The following MRLN variants were observed in gnomAD, a reference collection of about 807,000 sequenced individuals.
MRLN encodes myoregulin.
intron 1 of MRLN, among the ~76,000 whole-genome samples, chr10:59,742,571 G>A (rs899490823): frequency 6.6e-6 from 1 of 152,186 alleles, no homozygotes; most frequent in Admixed American, 6.5e-5. Flanking sequence ...TTCATCTCTT[G>A]TCCTGGGTGG....
intron 1 of MRLN, among the ~76,000 whole-genome samples, chr10:59,751,745 G>C (rs2132597314): frequency 6.7e-6 from 1 of 149,350 alleles, no homozygotes; most frequent in Middle Eastern, 3.5e-3. Context: ...GACTTTTATA[G>C]ACCCCGTTTT....
At chr10:59,750,062 CTTTTTTTTTTTTTTTT>C (rs71006289) in intron 1 of MRLN, among the ~76,000 whole-genome samples, 2 of 58,822 alleles carry the variant, frequency 3.4e-5, no homozygotes, top group Non-Finnish European at 5.8e-5. Flanking sequence ...CTCTCTCTCT[CTTTTTTTTTTTTTTTT>C]TTTTTTTTTT....
chr10:59,746,203 A>G (rs968417323), intron 1 of MRLN, among the ~76,000 whole-genome samples: 1 of 152,188 alleles, frequency 6.6e-6, no homozygotes. Flanking sequence ...CCTTGTTTCA[A>G]TCAATGTCTA....
intron 1 of MRLN, among the ~76,000 whole-genome samples, chr10:59,740,090 TA>T (rs56394459): frequency 0.21 from 29,868 of 139,632 alleles, 3,333 homozygotes; most frequent in Middle Eastern, 0.33. Flanking sequence ...GACTCCATCT[TA>T]AAAAAAAAAA....
At chr10:59,746,309 A>C (rs1841043783) in intron 1 of MRLN, among the ~76,000 whole-genome samples, 2 of 152,178 alleles carry the variant, frequency 1.3e-5, no homozygotes, top group South Asian at 4.1e-4. Context: ...TAAGCTACTT[A>C]AGTAAATAAT....
intron 1 of MRLN, among the ~76,000 whole-genome samples, chr10:59,744,536 C>A (rs546280873): frequency 6.9e-6 from 1 of 144,294 alleles, no homozygotes; most frequent in Non-Finnish European, 1.5e-5. Flanking sequence ...GGTGGGGGAG[C>A]GCGCCTCTGC....
At chr10:59,739,110 G>A (rs61863111) in intron 1 of MRLN, 29,715 of 150,670 alleles carry the variant, frequency 0.2, 3,443 homozygotes, top group Middle Eastern at 0.31. Context: ...GCGACAGAGG[G>A]AGATTCCGTC....
In MRLN at chr10:59,753,381, A is replaced by C. The variant is rs1331608405; in HGVS notation, c.-152T>G. ...TCCAGGGGTTCAATAAGCGAAGTCC[A>C]AAGTCAAGGGAATGATCTCTCTCTT... On this transcript the variant is annotated 5_prime_UTR_variant, in exon 1 of 3. Coordinates refer to ENST00000414264, the MANE Select transcript of MRLN (RefSeq NM_001304731.2). The C allele has an allele frequency of 6.6e-6, 1 of 152,170 alleles. No homozygotes were observed. The highest frequency in any genetic ancestry group is 2.4e-5 in the African/African-American group (1 of 41,434). 9.4% of individuals were successfully genotyped at this position (152,170 alleles called of 1,614,324 possible).
intron 1 of MRLN, among the ~76,000 whole-genome samples, chr10:59,747,757 C>T (rs12250264): frequency 0.044 from 6,642 of 152,230 alleles, 516 homozygotes; most frequent in African/African-American, 0.15. Flanking sequence ...AGGTAGGGGA[C>T]GGCCTTATTC....
chr10:59,743,776 T>G (rs1477423172), intron 1 of MRLN, among the ~76,000 whole-genome samples: 1 of 152,306 alleles, frequency 6.6e-6, no homozygotes, highest in South Asian at 2.1e-4. Context: ...CTGATTCTCC[T>G]GCCTCAGCCT....
At chr10:59,744,577 C>T (rs1188162647) in intron 1 of MRLN, among the ~76,000 whole-genome samples, 1 of 151,676 alleles carries the variant, frequency 6.6e-6, no homozygotes, top group Non-Finnish European at 1.5e-5. Flanking sequence ...GTGAGGAGCC[C>T]CTCTGCCCAG....
intron 1 of MRLN, among the ~76,000 whole-genome samples, chr10:59,746,371 A>G (rs1358797709): frequency 6.6e-6 from 1 of 152,234 alleles, no homozygotes; most frequent in African/African-American, 2.4e-5. Context: ...GGCGCTGCTT[A>G]TGCACAACTG....
intron 1 of MRLN, among the ~76,000 whole-genome samples, chr10:59,747,218 C>T (rs2132593558): frequency 6.6e-6 from 1 of 152,186 alleles, no homozygotes; most frequent in East Asian, 1.9e-4. Context: ...TCCCCTTGAC[C>T]TCCTTAACAT....
intron 1 of MRLN, among the ~76,000 whole-genome samples, chr10:59,751,948 C>A (rs1488364800): frequency 6.6e-6 from 1 of 152,132 alleles, no homozygotes; most frequent in Non-Finnish European, 1.5e-5. Context: ...GGGTGGAAAC[C>A]AGTCTTTTGG....
chr10:59,750,013 GTGTTTC>G (rs1248886905), intron 1 of MRLN, among the ~76,000 whole-genome samples: 1 of 145,538 alleles, frequency 6.9e-6, no homozygotes, highest in East Asian at 2.0e-4. Flanking sequence ...AGGAGCCACT[GTGTTTC>G]TCTTCTCTTC....
Position 59,737,049 on chromosome 10 carries a change from A to C in MRLN, c.*11T>G, listed in dbSNP as rs1840931845. ...TCAGTTTGAAATGTACATGGAAAGG[A>C]AGTCAGCTTTCTAAGAAGTTATCAC... On this transcript the variant is annotated 3_prime_UTR_variant, in exon 3 of 3. Coordinates refer to ENST00000414264, the MANE Select transcript of MRLN (RefSeq NM_001304731.2). 5.1e-6 allele frequency: 2 copies of C among 395,188 alleles called. No homozygotes were observed. The highest frequency in any genetic ancestry group is 4.4e-5 in the Admixed American group (1 of 22,618). The allele number at this position is 395,188 out of a possible 1,614,324, so 24.5% of individuals were successfully genotyped here. A position where few individuals can be genotyped will look rare whatever the true frequency, so the allele number is the denominator to read the frequency against.
At chr10:59,744,502 G>A (rs1315534355) in intron 1 of MRLN, among the ~76,000 whole-genome samples, 4 of 148,646 alleles carry the variant, frequency 2.7e-5, no homozygotes, top group Non-Finnish European at 6.0e-5. Context: ...GGCAGCCCCC[G>A]CCCGGCTGCC....
At chr10:59,751,816 T>C (rs1003058322) in intron 1 of MRLN, among the ~76,000 whole-genome samples, 11 of 152,062 alleles carry the variant, frequency 7.2e-5, no homozygotes, top group Non-Finnish European at 1.3e-4. Context: ...ACAATTAAAG[T>C]TTACAGAGGA....
At chr10:59,745,347 G>A (rs1041029476) in intron 1 of MRLN, among the ~76,000 whole-genome samples, 5 of 152,118 alleles carry the variant, frequency 3.3e-5, no homozygotes, top group Non-Finnish European at 7.3e-5. Flanking sequence ...GTTTATCTCA[G>A]GACCTTGGTC....
Sources: allele counts gnomAD v4.1 joint callset (sites outside exome capture counted in the v4.1 genomes callset), GRCh38; gene constraint gnomAD v4.1.1; transcripts MANE v1.5; gene names NCBI Gene and HGNC (gene_info 2026-07-23, HGNC 2026-07-21).